Variants in SLIT3 observed in about 807,000 individuals in gnomAD.
SLIT3 encodes the protein slit guidance ligand 3, also known as slit homolog 3 protein.
Under a neutral mutation model 184.0 loss-of-function variants are expected in SLIT3, and 68 were observed. The ratio of observed to expected loss-of-function variants is 0.37; its 90% CI spans 0.30 to 0.45. SLIT3 has a LOEUF of 0.45. Ranked by LOEUF, SLIT3 falls within the 20% of genes least tolerant of loss-of-function variation. The probability of loss-of-function intolerance (pLI) is 1.00; values close to 1 mark genes in which losing one functional copy is unlikely to be tolerated. For synonymous variants in SLIT3, 831 were observed against 828.6 expected (o/e 1.00, Z -0.05); for missense variants, 1,707 against 2,026.0 (o/e 0.84, Z 3.02).
intron 1 of SLIT3, among the ~76,000 whole-genome samples, chr5:169,260,211 G>A (rs1766114906): frequency 6.6e-6 from 1 of 152,112 alleles, no homozygotes; most frequent in Non-Finnish European, 1.5e-5. Flanking sequence ...AGGGGTAAGA[G>A]GAGCCAGAAT....
intron 14 of SLIT3, 96 bp downstream of exon 14, chr5:168,772,685 T>C: frequency 2.9e-6 from 4 of 1,389,056 alleles, no homozygotes; most frequent in Non-Finnish European, 4.0e-6. Flanking sequence ...CAGGAGCCAT[T>C]ACAGTGCTCG....
At chr5:169,104,820 A>G (rs1246929670) in intron 4 of SLIT3, among the ~76,000 whole-genome samples, 1 of 152,214 alleles carries the variant, frequency 6.6e-6, no homozygotes, top group African/African-American at 2.4e-5. Flanking sequence ...GGGGGAGAAA[A>G]GAAAGAAAAC....
At chr5:169,257,341 C>G (rs974935896) in intron 1 of SLIT3, among the ~76,000 whole-genome samples, 1 of 151,626 alleles carries the variant, frequency 6.6e-6, no homozygotes, top group Non-Finnish European at 1.5e-5. Flanking sequence ...ACAGAGGCCT[C>G]TCCTCCTTTG....
chr5:169,048,548 C>T (rs151284776), intron 4 of SLIT3, among the ~76,000 whole-genome samples: 15 of 152,166 alleles, frequency 9.9e-5, no homozygotes, highest in South Asian at 6.2e-4. Context: ...CAGGCATCAC[C>T]GGCGGCGTAG....
intron 4 of SLIT3, among the ~76,000 whole-genome samples, chr5:169,137,305 TACAC>T (rs747552567): frequency 1.0e-4 from 14 of 136,098 alleles, no homozygotes; most frequent in East Asian, 4.6e-4. Flanking sequence ...TCTATCTACA[TACAC>T]ACACACACAC....
intron 4 of SLIT3, among the ~76,000 whole-genome samples, chr5:168,896,790 G>A (rs187953516): frequency 4.2e-4 from 64 of 152,334 alleles, no homozygotes; most frequent in Admixed American, 1.8e-3. Context: ...CCTGAAGGGC[G>A]TCGGTGGGAC....
chr5:168,841,943 G>A (rs1179458587), intron 6 of SLIT3, among the ~76,000 whole-genome samples: 1 of 152,074 alleles, frequency 6.6e-6, no homozygotes, highest in Non-Finnish European at 1.5e-5. Flanking sequence ...CTCTTTCTGG[G>A]GATAGGATGT....
Position 169,175,820 on chromosome 5 carries a change from C to T in SLIT3, c.413+17659G>A, listed in dbSNP as rs371421950. 6.6e-5 allele frequency among the ~76,000 whole-genome samples: 10 copies of T among 152,280 alleles called. No homozygotes were observed. The East Asian group carries it at 1.2e-3, about 18-fold the overall frequency. On this transcript the variant is annotated intron_variant, in intron 4 of 35. Transcript: ENST00000519560. ...AGCTCAGGGCAACAGAATCTGGCCC[C>T]AGGCTACCCCAAAGCCTAGAGAGCT...
intron 26 of SLIT3, among the ~76,000 whole-genome samples, chr5:168,706,152 G>A (rs1235115004): frequency 3.3e-5 from 5 of 152,172 alleles, no homozygotes; most frequent in Non-Finnish European, 7.3e-5. Context: ...CCACACCCAG[G>A]TATGAGGGAC....
intron 4 of SLIT3, among the ~76,000 whole-genome samples, chr5:168,925,296 A>G (rs1324434464): frequency 6.6e-6 from 1 of 152,188 alleles, no homozygotes; most frequent in African/African-American, 2.4e-5. Flanking sequence ...TGACGCACCA[A>G]GGGAGCTGCT....
intron 6 of SLIT3, among the ~76,000 whole-genome samples, chr5:168,834,312 T>C (rs1468172715): frequency 6.6e-6 from 1 of 152,116 alleles, no homozygotes; most frequent in African/African-American, 2.4e-5. Flanking sequence ...GGCTTCCTTT[T>C]GGTGGGCCAT....
chr5:169,063,086 G>A (rs1158373595), intron 4 of SLIT3, among the ~76,000 whole-genome samples: 1 of 152,214 alleles, frequency 6.6e-6, no homozygotes, highest in African/African-American at 2.4e-5. Flanking sequence ...TAACCACGAA[G>A]CTTGGATAAA....
chr5:169,189,654 C>A (rs193068441), intron 4 of SLIT3, among the ~76,000 whole-genome samples: 3 of 148,776 alleles, frequency 2.0e-5, no homozygotes, highest in Non-Finnish European at 4.4e-5. Flanking sequence ...AGGCAGGGAA[C>A]TCCCAGTAGA....
chr5:169,015,520 T>C (rs1756329848), intron 4 of SLIT3, among the ~76,000 whole-genome samples: 1 of 152,230 alleles, frequency 6.6e-6, no homozygotes, highest in African/African-American at 2.4e-5. Flanking sequence ...TCCATAGCTG[T>C]GTAACTTTGC....
chr5:168,761,599 T>G (rs950992197), intron 15 of SLIT3, among the ~76,000 whole-genome samples: 1 of 152,132 alleles, frequency 6.6e-6, no homozygotes, highest in Non-Finnish European at 1.5e-5. Context: ...GCTAAGAAAC[T>G]GAGTCTCAGA....
chr5:168,702,844 G>A (rs1762257997), intron 26 of SLIT3, among the ~76,000 whole-genome samples: 1 of 152,142 alleles, frequency 6.6e-6, no homozygotes, highest in African/African-American at 2.4e-5. Flanking sequence ...GTGAAGGGCA[G>A]GACAAAGAAC....
chr5:169,229,235 C>T (rs1386392778), intron 3 of SLIT3, among the ~76,000 whole-genome samples: 1 of 151,264 alleles, frequency 6.6e-6, no homozygotes, highest in Non-Finnish European at 1.5e-5. Flanking sequence ...CCAAATTCTA[C>T]CAAAAAAATG....
chr5:168,728,835 A>C (rs1029974831), intron 20 of SLIT3, among the ~76,000 whole-genome samples: 3 of 151,668 alleles, frequency 2.0e-5, no homozygotes, highest in Admixed American at 1.3e-4. Flanking sequence ...GGAGGATTGC[A>C]TGAGCCTGGA....
intron 4 of SLIT3, among the ~76,000 whole-genome samples, chr5:169,021,125 T>A (rs1036490265): frequency 3.9e-5 from 6 of 152,180 alleles, no homozygotes; most frequent in African/African-American, 1.4e-4. Flanking sequence ...AAGATGTAGT[T>A]CTTCTGTCTA....
Sources: allele counts gnomAD v4.1 joint callset (sites outside exome capture counted in the v4.1 genomes callset), GRCh38; gene constraint gnomAD v4.1.1; transcripts MANE v1.5; gene names NCBI Gene and HGNC (gene_info 2026-07-23, HGNC 2026-07-21).